IFT74: variants seen among roughly 807,000 people sequenced by gnomAD.
IFT74 encodes intraflagellar transport protein 74 homolog.
Under a neutral mutation model 96.7 loss-of-function variants are expected in IFT74, and 92 were observed. The ratio of observed to expected loss-of-function variants is 0.95; its 90% CI spans 0.80 to 1.13. The LOEUF is 1.13. Among genes scored for constraint, IFT74 ranks in the 50% most tolerant of loss-of-function variants. The pLI, the probability that IFT74 is intolerant of heterozygous loss-of-function variation, is 0.00. For missense variants in IFT74, 811 were observed against 698.2 expected, an observed-to-expected ratio of 1.16 and a Z score of -1.82; for synonymous variants, 223 against 213.2, an observed-to-expected ratio of 1.05 and a Z score of -0.40.
intron 16 of IFT74, among the ~76,000 whole-genome samples, chr9:27,051,651 A>C (rs1819928204): frequency 6.6e-6 from 1 of 152,214 alleles, no homozygotes; most frequent in Non-Finnish European, 1.5e-5. Flanking sequence ...ACTTTAAATT[A>C]CCTCATATAA....
At chr9:26,967,477 C>T (rs919414848) in intron 2 of IFT74, among the ~76,000 whole-genome samples, 11 of 152,086 alleles carry the variant, frequency 7.2e-5, no homozygotes, top group East Asian at 3.9e-4. Context: ...TTTATCAGTT[C>T]AGATAGTTTT....
chr9:27,017,556 C>G (rs934874762), intron 11 of IFT74, among the ~76,000 whole-genome samples: 1 of 152,142 alleles, frequency 6.6e-6, no homozygotes, highest in African/African-American at 2.4e-5. Flanking sequence ...GTGAAGCTAA[C>G]TTTTCCTTAT....
Position 27,048,190 on chromosome 9 carries a change from G to A in IFT74, c.1249G>A (p.Glu417Lys), listed in dbSNP as rs1819775363. Residue 417 changes from glutamate (E) to lysine (K), a missense_variant, in exon 16 of 20, where the codon GAG becomes AAG. Transcript: ENST00000380062. ...ACAGATATCCTCTATCACCAATCAA[G>A]AGCTAAAGATGATGCAGGATGACCT... Reference protein sequence around the residue: ...IEQISSITNQELKMMQDDLNF... With the variant: ...IEQISSITNQKLKMMQDDLNF... 1 of 1,599,986 alleles carries A rather than the reference G, an allele frequency of 6.3e-7. No individual in the cohort carries two copies. The highest frequency in any genetic ancestry group is 1.1e-5 in the South Asian group (1 of 90,186).
At chr9:27,051,453 C>T (rs1201978794) in intron 16 of IFT74, among the ~76,000 whole-genome samples, 3 of 151,996 alleles carry the variant, frequency 2.0e-5, no homozygotes, top group African/African-American at 7.2e-5. Flanking sequence ...CAAAATTTAT[C>T]ATCTTAACCA....
intron 10 of IFT74, among the ~76,000 whole-genome samples, chr9:27,014,671 A>G (rs1829260560): frequency 6.6e-6 from 1 of 152,152 alleles, no homozygotes; most frequent in African/African-American, 2.4e-5. Context: ...GTGCAGTGGC[A>G]CAGTCTTGGC....
chr9:26,978,394 C>G (rs1441746544), intron 3 of IFT74, 131 bp downstream of exon 3: 1 of 825,842 alleles, frequency 1.2e-6, no homozygotes, highest in Non-Finnish European at 1.8e-6. Context: ...TTTTTTAAAT[C>G]AGGATTATAG....
intron 8 of IFT74, chr9:26,996,623 G>C (rs1222163651): frequency 3.5e-6 from 2 of 568,758 alleles, no homozygotes; most frequent in Non-Finnish European, 5.4e-6. Flanking sequence ...AGAAATTCCT[G>C]TTGTATTTGT....
chr9:27,052,258 C>T (rs1819956426), intron 16 of IFT74, among the ~76,000 whole-genome samples: 1 of 151,990 alleles, frequency 6.6e-6, no homozygotes, highest in Non-Finnish European at 1.5e-5. Flanking sequence ...GCCTGTAATC[C>T]CACCACTTTG....
At chr9:26,960,744 A>G (rs1372194354) in intron 1 of IFT74, among the ~76,000 whole-genome samples, 1 of 152,220 alleles carries the variant, frequency 6.6e-6, no homozygotes, top group Non-Finnish European at 1.5e-5. Context: ...GGAGAAGACC[A>G]GAGAATAGAG....
intron 8 of IFT74, among the ~76,000 whole-genome samples, chr9:26,999,119 G>A (rs1165912626): frequency 6.6e-6 from 1 of 152,136 alleles, no homozygotes; most frequent in East Asian, 1.9e-4. Context: ...CAGAAATGGA[G>A]CCAGGTATTG....
chr9:26,966,045 CATGT>C (rs956404833), intron 2 of IFT74, among the ~76,000 whole-genome samples: 62 of 151,544 alleles, frequency 4.1e-4, no homozygotes, highest in African/African-American at 1.3e-3. Flanking sequence ...TATGTATATA[CATGT>C]ATACCACATT....
In IFT74 at chr9:26,988,838, A is replaced by G. The variant is rs757366311; in HGVS notation, c.525+110A>G. ...AACCTTAAGTGCTATAGAGGTGAAT[A>G]TTACTCTGATTGTAAATACCACTAT... On this transcript the variant is annotated intron_variant, in intron 7 of 19. Transcript: ENST00000380062. 65 of 966,578 alleles carry G rather than the reference A, an allele frequency of 6.7e-5. 1 individual carries two copies. Among genetic ancestry groups the G allele is most frequent in the Non-Finnish European group, 9.0e-5 (63 of 702,976 alleles). The allele number at this position is 966,578 out of a possible 1,614,324, so 59.9% of individuals were successfully genotyped here. A position where few individuals can be genotyped will look rare whatever the true frequency, so the allele number is the denominator to read the frequency against.
intron 12 of IFT74, among the ~76,000 whole-genome samples, chr9:27,020,688 A>G (rs1344777095): frequency 6.6e-6 from 1 of 151,846 alleles, no homozygotes; most frequent in South Asian, 2.1e-4. Context: ...GTTAGCCAGG[A>G]TGGTCTCGAT....
chr9:27,012,561 CAAAG>C (rs1829136055), intron 10 of IFT74, among the ~76,000 whole-genome samples: 3 of 151,864 alleles, frequency 2.0e-5, no homozygotes, highest in South Asian at 4.1e-4. Context: ...ATTATAAAAA[CAAAG>C]AAAGAGGGAG....
At chr9:27,048,946 G>C (rs1426351932) in intron 16 of IFT74, among the ~76,000 whole-genome samples, 3 of 152,178 alleles carry the variant, frequency 2.0e-5, no homozygotes, top group South Asian at 2.1e-4. Context: ...GGTGGGCCTA[G>C]TGGGAAATGT....
intron 3 of IFT74, among the ~76,000 whole-genome samples, chr9:26,979,703 CT>C (rs951706952): frequency 0.011 from 853 of 75,452 alleles, no homozygotes; most frequent in Non-Finnish European, 0.016. Context: ...GGAACACTTT[CT>C]TTTTTTTTTT....
At chr9:27,015,623 C>T (rs1012426485) in intron 10 of IFT74, among the ~76,000 whole-genome samples, 3 of 151,844 alleles carry the variant, frequency 2.0e-5, no homozygotes, top group Admixed American at 1.3e-4. Context: ...GGTGAAAGAG[C>T]GAAATTCCAT....
chr9:26,961,195 G>A (rs780214103), intron 1 of IFT74, among the ~76,000 whole-genome samples: 2 of 150,142 alleles, frequency 1.3e-5, no homozygotes, highest in South Asian at 2.1e-4. Flanking sequence ...GGTTCATGCC[G>A]TTCTCCTGCC....
At chr9:27,054,668 G>A (rs117589733) in intron 16 of IFT74, among the ~76,000 whole-genome samples, 3,139 of 152,250 alleles carry the variant, frequency 0.021, 55 homozygotes, top group Non-Finnish European at 0.032. Flanking sequence ...GCATTTTCAT[G>A]ATCATTTGTG....
Sources: allele counts gnomAD v4.1 joint callset (sites outside exome capture counted in the v4.1 genomes callset), GRCh38; gene constraint gnomAD v4.1.1; transcripts MANE v1.5; gene names NCBI Gene and HGNC (gene_info 2026-07-23, HGNC 2026-07-21).